Variants in SHC2 observed in about 807,000 individuals in gnomAD.
SHC2 encodes the protein SHC-transforming protein 2.
Under a neutral mutation model 60.6 loss-of-function variants are expected in SHC2, and 62 were observed. The observed-to-expected ratio is 1.02, with a 90% confidence interval of 0.83 to 1.26. The LOEUF (loss-of-function observed/expected upper bound fraction) is 1.26. Among genes scored for constraint, SHC2 ranks in the 50% most tolerant of loss-of-function variants. The pLI is 0.00. For synonymous variants in SHC2, 375 were observed against 372.4 expected (o/e 1.01, Z -0.08); for missense variants, 873 against 822.2 (o/e 1.06, Z -0.76).
intron 1 of SHC2, among the ~76,000 whole-genome samples, chr19:459,044 C>T (rs1185248806): frequency 6.6e-6 from 1 of 152,138 alleles, no homozygotes; most frequent in Non-Finnish European, 1.5e-5. Context: ...GTCTAAAGTT[C>T]CTTCTCCTTA....
In SHC2 at chr19:438,110, A is replaced by C. The variant is rs1974765124; in HGVS notation, c.720+608T>G. 6.6e-6 allele frequency among the ~76,000 whole-genome samples: 1 copy of C among 152,002 alleles called. No individual in the cohort carries two copies. The stretch of plus-strand genomic sequence containing the variant: ...GCGATTCTCCTGCCTCAGCCTCCCA[A>C]GTAGCTGGGATTACAGGCGCCCACC... On this transcript the variant is annotated intron_variant, in intron 4 of 12. Coordinates refer to ENST00000264554, the MANE Select transcript of SHC2 (RefSeq NM_012435.3). The surrounding 1 kb of genome is among the most constrained non-coding windows in gnomAD (Gnocchi z 5.0).
rs913861156 is a variant in SHC2, at chr19:440,552, C to T, written c.539+310G>A. Among the ~76,000 whole-genome samples, 34 of 152,228 alleles carry T rather than the reference C, an allele frequency of 2.2e-4. No homozygotes were observed. Among genetic ancestry groups the T allele is most frequent in the Non-Finnish European group, 2.2e-4 (15 of 68,038 alleles). ...GCAGGGACACGGAGACGCCACTGGG[C>T]CCCGGTCCCAGAGGGAACCCGCCAG... On this transcript the variant is annotated intron_variant, in intron 2 of 12. Transcript: ENST00000264554. The surrounding 1 kb of genome is among the most constrained non-coding windows in gnomAD (Gnocchi z 7.0).
intron 8 of SHC2, among the ~76,000 whole-genome samples, chr19:431,005 C>T (rs930382442): frequency 1.3e-5 from 2 of 152,210 alleles, no homozygotes; most frequent in African/African-American, 4.8e-5. Flanking sequence ...TGGCTGTTCC[C>T]CCTGCCTGGA....
rs146878558 is a variant in SHC2 at position 439,148 on chromosome 19, C to T, written c.540-118G>A. On this transcript the variant is annotated intron_variant, in intron 2 of 12. Coordinates refer to ENST00000264554, the MANE Select transcript of SHC2 (RefSeq NM_012435.3). ...GAGGGGGCAGGAGCTCAGAGAAGGG[C>T]GAGAGAGAGGGGAGAGGAAGGCAGA... The T allele has an allele frequency of 7.4e-3, 1,434 of 193,808 alleles. 11 individuals are homozygous for T. Among genetic ancestry groups the T allele is most frequent in the Middle Eastern group, 0.013 (6 of 480 alleles). 12.0% of individuals were successfully genotyped at this position (193,808 alleles called of 1,614,324 possible).
chr19:447,230 C>A (rs2145741558), intron 1 of SHC2, among the ~76,000 whole-genome samples: 1 of 152,120 alleles, frequency 6.6e-6, no homozygotes, highest in South Asian at 2.1e-4. Flanking sequence ...AGCGTGTGAT[C>A]CCATTTCTAT....
chr19:450,288 G>C (rs995583157), intron 1 of SHC2, among the ~76,000 whole-genome samples: 1 of 152,180 alleles, frequency 6.6e-6, no homozygotes, highest in Non-Finnish European at 1.5e-5. Context: ...CTAACTCCAC[G>C]TGGCCCATGA....
At chr19:434,945 G>C (rs1158410301) in intron 7 of SHC2, 80 bp from the exon 8 acceptor site, 1 of 1,439,030 alleles carries the variant, frequency 6.9e-7, no homozygotes, top group Admixed American at 2.2e-5. Context: ...TTCTGGGGGA[G>C]CAGGAAATAT....
intron 1 of SHC2, among the ~76,000 whole-genome samples, chr19:457,237 C>T (rs1376993750): frequency 7.0e-6 from 1 of 142,384 alleles, no homozygotes; most frequent in Non-Finnish European, 1.6e-5. Flanking sequence ...TTTGCACCTG[C>T]ACCTGCTGTG....
At chr19:429,159 T>C (rs1045227936) in intron 9 of SHC2, among the ~76,000 whole-genome samples, 131 of 143,382 alleles carry the variant, frequency 9.1e-4, no homozygotes, top group East Asian at 6.4e-3. Flanking sequence ...ATATCCAACA[T>C]GCACAGAAAC....
Position 417,692 on chromosome 19 carries a change from C to T in SHC2, c.*6-370G>A, listed in dbSNP as rs926060567. ...GGTCACCAACGCCTTTCCGAGGGGA[C>T]GCAGGCAGGGACCGGTGCGAACGGA... On this transcript the variant is annotated intron_variant, in intron 12 of 12. Coordinates refer to ENST00000264554, the MANE Select transcript of SHC2 (RefSeq NM_012435.3). Among the ~76,000 whole-genome samples, 20 of 152,210 alleles carry T rather than the reference C, an allele frequency of 1.3e-4. 1 individual carries two copies. Among genetic ancestry groups the T allele is most frequent in the Admixed American group, 8.5e-4 (13 of 15,284 alleles).
At chr19:451,264 G>T (rs118158303) in intron 1 of SHC2, among the ~76,000 whole-genome samples, 2,264 of 150,252 alleles carry the variant, frequency 0.015, 62 homozygotes, top group East Asian at 0.086. Context: ...GCCACGCCGT[G>T]GCTGTGCTGT....
chr19:436,405 G>A lies in SHC2; in HGVS notation c.801C>T (p.Val267=), dbSNP rs773913611. Residue 267 remains valine (V), a synonymous_variant, in exon 6 of 13, where the codon GTC becomes GTT. Transcript: ENST00000264554. ...CTCTCTGGTTGATGGGGTCCTTGGC[G>A]ACGTAGGCCACGTAATCCGTCATGT... is the stretch of plus-strand genomic sequence containing the variant. ...DTDMTDYVAY[V]AKDPINQRAC... 12 of 1,594,444 alleles carry A rather than the reference G, an allele frequency of 7.5e-6. No individual in the cohort carries two copies. The highest frequency in any genetic ancestry group is 2.2e-5 in the East Asian group (1 of 44,504).
At position 422,753 on chromosome 19, in the gene SHC2, C is replaced by T. The variant is rs986983013; in HGVS notation, c.1310-297G>A. 9.8e-6 allele frequency: 3 copies of T among 307,612 alleles called. No individual in the cohort carries two copies. The highest frequency in any genetic ancestry group is 6.5e-5 in the African/African-American group (3 of 46,430). The allele number at this position is 307,612 out of a possible 1,614,324, so 19.1% of individuals were successfully genotyped here. Reference sequence around the variant, plus strand: ...GTTAACTCCTATTTCTTTTTCCTGCCTTGTCAGGTGGGCTTCCTTCCCAAA... The same window carrying T: ...GTTAACTCCTATTTCTTTTTCCTGCTTTGTCAGGTGGGCTTCCTTCCCAAA... On this transcript the variant is annotated intron_variant, in intron 10 of 12. Coordinates refer to ENST00000264554, the MANE Select transcript of SHC2 (RefSeq NM_012435.3). This position sits in a 1 kb window ranked among gnomAD's most constrained non-coding sequence, Gnocchi z 5.0.
chr19:417,588 C>T (rs72988477), intron 12 of SHC2, among the ~76,000 whole-genome samples: 4,511 of 152,356 alleles, frequency 0.03, 138 homozygotes, highest in East Asian at 0.11. Context: ...GTCTCAGAAC[C>T]GAAGGGTTGA....
At chr19:458,408 AAG>A (rs1975431488) in intron 1 of SHC2, among the ~76,000 whole-genome samples, 1 of 118,966 alleles carries the variant, frequency 8.4e-6, no homozygotes, top group African/African-American at 3.2e-5. Flanking sequence ...GGGGAGGCGG[AAG>A]CGGGTCCTGG....
intron 1 of SHC2, among the ~76,000 whole-genome samples, chr19:450,923 G>A (rs532109465): frequency 8.1e-5 from 12 of 148,718 alleles, no homozygotes; most frequent in African/African-American, 2.3e-4. Flanking sequence ...CCATGCCGTG[G>A]CCATGTCATA....
intron 8 of SHC2, among the ~76,000 whole-genome samples, chr19:431,861 CGTGA>C (rs1280514996): frequency 4.9e-5 from 1 of 20,360 alleles, no homozygotes; most frequent in African/African-American, 2.0e-4. Context: ...TGAGTGAGAT[CGTGA>C]GTGAGAGTTA....
intron 1 of SHC2, among the ~76,000 whole-genome samples, chr19:459,462 C>CACTGAACCCAGCGTAGGGGGAAGGACCCT (rs1975484285): frequency 2.3e-5 from 3 of 127,758 alleles, no homozygotes; most frequent in African/African-American, 9.4e-5. Flanking sequence ...GGAAGGACCC[C>CACTGAACCCAGCGTAGGGGGAAGGACCCT]TCTCAACTCA....
chr19:420,120 G>A (rs1317927170), intron 11 of SHC2, among the ~76,000 whole-genome samples: 1 of 152,178 alleles, frequency 6.6e-6, no homozygotes, highest in Admixed American at 6.5e-5. Context: ...AGTGGCTGCC[G>A]GTCTGACCCC....
Sources: gnomAD v4.1 joint callset for allele counts (sites outside exome capture counted in the v4.1 genomes callset) on GRCh38, gnomAD v4.1.1 for gene constraint, Gnocchi (gnomAD v3.1) non-coding constraint, MANE v1.5 for transcripts, NCBI Gene and HGNC (gene_info 2026-07-23, HGNC 2026-07-21) for gene names.